DPP6: variants seen among roughly 807,000 people sequenced by gnomAD.
DPP6 encodes the protein dipeptidyl peptidase like 6.
DPP6 carries 69 observed loss-of-function variants against 122.6 expected under a neutral mutation model. That is an observed-to-expected ratio of 0.56 (90% CI 0.46 to 0.69). The LOEUF (loss-of-function observed/expected upper bound fraction) is 0.69, where lower values mean the gene tolerates loss of function less well. Ranked by LOEUF, DPP6 falls within the 30% of genes least tolerant of loss-of-function variation. The pLI, the probability that DPP6 is intolerant of heterozygous loss-of-function variation, is 0.00. For synonymous variants in DPP6, 418 were observed against 433.1 expected (o/e 0.97, Z 0.43); for missense variants, 928 against 1,116.9 (o/e 0.83, Z 2.41).
intron 8 of DPP6, among the ~76,000 whole-genome samples, chr7:154,751,509 C>T (rs1482449034): frequency 2.0e-5 from 3 of 149,366 alleles, no homozygotes; most frequent in Non-Finnish European, 4.4e-5. Flanking sequence ...ACTCTAGAGG[C>T]TGAGGTGGAA....
rs56660570 is a variant in DPP6 at position 154,893,200 on chromosome 7, T to TGTTCG, written c.*721_*722insTTCGG. ...CCAGTCCACGTGTAGACTTTGCGCT[T>TGTTCG]GATGAAGAAGCAGATCGGAAGTAAC... On this transcript the variant is annotated 3_prime_UTR_variant, in exon 26 of 26. Coordinates refer to ENST00000377770, the MANE Select transcript of DPP6 (RefSeq NM_130797.4). The TGTTCG allele has an allele frequency of 3.5e-6, 1 of 283,062 alleles. No homozygotes were observed. The highest frequency in any genetic ancestry group is 2.3e-5 in the African/African-American group (1 of 44,274). 17.5% of individuals were successfully genotyped at this position (283,062 alleles called of 1,614,324 possible).
intron 5 of DPP6, among the ~76,000 whole-genome samples, chr7:154,625,502 G>A (rs1393780015): frequency 2.0e-5 from 3 of 152,176 alleles, no homozygotes; most frequent in East Asian, 3.9e-4. Flanking sequence ...ACAGGTAGAT[G>A]TTTGTCTTTG....
chr7:154,128,127 C>A (rs1218973160), intron 1 of DPP6, among the ~76,000 whole-genome samples: 1 of 150,568 alleles, frequency 6.6e-6, no homozygotes, highest in Admixed American at 6.6e-5. Flanking sequence ...GCCTCTCTGC[C>A]CCATGCATGA....
intron 1 of DPP6, among the ~76,000 whole-genome samples, chr7:153,984,380 C>T (rs1258475499): frequency 6.6e-6 from 1 of 152,164 alleles, no homozygotes; most frequent in Non-Finnish European, 1.5e-5. Context: ...GAAACATGTA[C>T]ACAAGACAAT....
chr7:153,845,842 T>C, the DPP6 span, among the ~76,000 whole-genome samples: 1 of 152,206 alleles, frequency 6.6e-6, no homozygotes, highest in South Asian at 2.1e-4. Context: ...TTAACTCTAA[T>C]CATATTCATC....
chr7:154,393,035 T>C (rs990390875), intron 1 of DPP6, among the ~76,000 whole-genome samples: 1 of 152,266 alleles, frequency 6.6e-6, no homozygotes, highest in African/African-American at 2.4e-5. Flanking sequence ...ACTGGCTTGA[T>C]GCTTTTAATT....
At chr7:153,965,909 C>T (rs1285010479) in intron 1 of DPP6, among the ~76,000 whole-genome samples, 4 of 151,648 alleles carry the variant, frequency 2.6e-5, no homozygotes, top group East Asian at 1.9e-4. Flanking sequence ...CAGATGGGGC[C>T]GGTGTTCATT....
At chr7:153,793,991 T>A in the DPP6 span, among the ~76,000 whole-genome samples, 3 of 152,166 alleles carry the variant, frequency 2.0e-5, no homozygotes, top group Admixed American at 6.5e-5. Context: ...TTTCAGAACA[T>A]GTATGGAAAT....
rs1025142197 is a variant in DPP6 at position 154,769,274 on chromosome 7, G to A, written c.884-143G>A. The A allele has an allele frequency of 5.9e-6, 6 of 1,017,588 alleles. No individual in the cohort carries two copies. In the African/African-American group the frequency reaches 9.6e-5, roughly 16 times the overall value. The allele number at this position is 1,017,588 out of a possible 1,614,324, so 63.0% of individuals were successfully genotyped here. On this transcript the variant is annotated intron_variant, in intron 8 of 25. Transcript: ENST00000377770. ...GGAATGGAAGCATGTGCAGAACACA[G>A]TGAAGGTTCCTCAAAGGTTGTAGCA...
chr7:154,514,506 A>G (rs1050271000), intron 3 of DPP6, among the ~76,000 whole-genome samples: 1 of 151,910 alleles, frequency 6.6e-6, no homozygotes, highest in Non-Finnish European at 1.5e-5. Context: ...GATCCTTCCT[A>G]CTTTCCAAAC....
Position 154,241,189 on chromosome 7 carries a change from G to GCA in DPP6, c.243+188126_243+188127insCA, listed in dbSNP as rs1801577500. Reference sequence around the variant, plus strand: ...AGTAGGTAATTCAATATCAATATGTGTGTGTGTGTGTGTGTGTGTGTGTGT... The same window carrying GCA: ...AGTAGGTAATTCAATATCAATATGTGCATGTGTGTGTGTGTGTGTGTGTGTGT... On this transcript the variant is annotated intron_variant, in intron 1 of 25. Transcript: ENST00000377770. This position sits in a 1 kb window ranked among gnomAD's most constrained non-coding sequence, Gnocchi z 9.0. 2.9e-4 allele frequency among the ~76,000 whole-genome samples: 42 copies of GCA among 146,870 alleles called. No individual in the cohort carries two copies. Among genetic ancestry groups the GCA allele is most frequent in the African/African-American group, 9.1e-4 (34 of 37,488 alleles).
the DPP6 span, among the ~76,000 whole-genome samples, chr7:153,749,139 C>T: frequency 6.6e-6 from 1 of 152,102 alleles, no homozygotes; most frequent in African/African-American, 2.4e-5. The surrounding 1 kb of genome is among the most constrained non-coding windows in gnomAD (Gnocchi z 4.1). Context: ...CGTCTGCATG[C>T]CTTGCAGGGG....
intron 1 of DPP6, among the ~76,000 whole-genome samples, chr7:153,971,239 A>C (rs1796001095): frequency 6.6e-6 from 1 of 152,130 alleles, no homozygotes; most frequent in Non-Finnish European, 1.5e-5. Flanking sequence ...TCCAATTGTT[A>C]GTATACAGAA....
At chr7:154,695,652 G>A (rs1467916417) in intron 7 of DPP6, among the ~76,000 whole-genome samples, 4 of 152,156 alleles carry the variant, frequency 2.6e-5, no homozygotes, top group African/African-American at 7.2e-5. Context: ...CTCGGGCTCT[G>A]CAGAGCAGGC....
chr7:154,112,416 G>A (rs907123581), intron 1 of DPP6, among the ~76,000 whole-genome samples: 4 of 152,052 alleles, frequency 2.6e-5, no homozygotes, highest in African/African-American at 9.7e-5. Flanking sequence ...AGGCTGAGGC[G>A]GGTGGATCAT....
chr7:153,841,653 A>G, the DPP6 span, among the ~76,000 whole-genome samples: 2 of 152,222 alleles, frequency 1.3e-5, no homozygotes, highest in Admixed American at 6.5e-5. Context: ...TTTCACTTAT[A>G]TTTCCACACA....
the DPP6 span, among the ~76,000 whole-genome samples, chr7:153,757,848 A>G: frequency 6.6e-6 from 1 of 152,104 alleles, no homozygotes; most frequent in Admixed American, 6.5e-5. Context: ...AGTCCCAACT[A>G]CTCTGGAGGC....
At chr7:154,434,359 A>C (rs1324209349) in intron 1 of DPP6, among the ~76,000 whole-genome samples, 2 of 152,132 alleles carry the variant, frequency 1.3e-5, no homozygotes, top group African/African-American at 4.8e-5. Context: ...CCACACAGAT[A>C]TCGTGCCTGC....
Position 154,734,391 on chromosome 7 carries a change from T to C in DPP6, c.883+6504T>C, listed in dbSNP as rs55674439. ...GGGTTCTGCAAATATTAACTGCCTC[T>C]GAAGCACCTGGCTAGGGCACTTCAA... On this transcript the variant is annotated intron_variant, in intron 8 of 25. Transcript: ENST00000377770. Among the ~76,000 whole-genome samples the C allele has an allele frequency of 8.7e-3, 1,330 of 152,328 alleles. 9 individuals carry two copies. The highest frequency in any genetic ancestry group is 0.012 in the Admixed American group (178 of 15,304).
Sources: allele counts gnomAD v4.1 joint callset (sites outside exome capture counted in the v4.1 genomes callset), GRCh38; gene constraint gnomAD v4.1.1; non-coding constraint Gnocchi (gnomAD v3.1); transcripts MANE v1.5; gene names NCBI Gene and HGNC (gene_info 2026-07-23, HGNC 2026-07-21).